The following CSMD1 variants were observed in gnomAD, a reference collection of about 807,000 sequenced individuals.
CSMD1 encodes CUB and Sushi multiple domains 1, also known as CUB and sushi domain-containing protein 1.
A neutral mutation model predicts 417.5 loss-of-function variants in CSMD1; 213 were observed. The ratio of observed to expected loss-of-function variants is 0.51; its 90% confidence interval spans 0.46 to 0.57. The LOEUF (loss-of-function observed/expected upper bound fraction) is 0.57, where lower values mean the gene tolerates loss of function less well. CSMD1 is among the 20% of genes least tolerant of loss of function. The pLI is 0.00. For missense variants in CSMD1, 6,923 were observed against 4,529.7 expected (o/e 1.53, Z -15.17); for synonymous variants, 2,862 against 1,736.8 (o/e 1.65, Z -16.11).
At chr8:3,727,925 G>C (rs1342593693) in intron 6 of CSMD1, among the ~76,000 whole-genome samples, 2 of 152,170 alleles carry the variant, frequency 1.3e-5, no homozygotes, top group East Asian at 3.9e-4. Flanking sequence ...AATTCAAAGA[G>C]CGGCAGGGAG....
chr8:4,617,986 G>C (rs2130807249), intron 2 of CSMD1, among the ~76,000 whole-genome samples: 1 of 152,200 alleles, frequency 6.6e-6, no homozygotes, highest in African/African-American at 2.4e-5. Context: ...ATTTGGAGCT[G>C]CCTATTTGGA....
chr8:4,258,081 C>G lies in CSMD1; in HGVS notation c.415+161872G>C, dbSNP rs1036079894. Among the ~76,000 whole-genome samples the G allele has an allele frequency of 4.0e-5, 6 of 151,812 alleles. No homozygotes were observed. In the East Asian group the frequency reaches 1.0e-3, roughly 25 times the overall value. On this transcript the variant is annotated intron_variant, in intron 3 of 69. Coordinates refer to ENST00000635120, the MANE Select transcript of CSMD1 (RefSeq NM_033225.6). ...ACCTCAGCCTCCCTAGTAACTGGGA[C>G]TACAGGCCCGTGCTACCATTCCCGG... is the stretch of plus-strand genomic sequence containing the variant.
At chr8:3,785,371 C>T (rs910586432) in intron 5 of CSMD1, among the ~76,000 whole-genome samples, 1 of 152,098 alleles carries the variant, frequency 6.6e-6, no homozygotes, top group African/African-American at 2.4e-5. Flanking sequence ...TTTCTTTTTT[C>T]ATTCCACACC....
At chr8:4,323,482 GGC>G (rs1799383146) in intron 3 of CSMD1, among the ~76,000 whole-genome samples, 1 of 84,586 alleles carries the variant, frequency 1.2e-5, no homozygotes, top group African/African-American at 7.4e-5. Context: ...ATGGGACTAG[GGC>G]TTTCTCTGAA....
At chr8:3,520,805 A>G (rs2117448014) in intron 10 of CSMD1, among the ~76,000 whole-genome samples, 1 of 152,148 alleles carries the variant, frequency 6.6e-6, no homozygotes, top group South Asian at 2.1e-4. Context: ...TGTAGAGGAA[A>G]TCTCCACTAG....
At chr8:3,081,315 T>G (rs1462701238) in intron 49 of CSMD1, among the ~76,000 whole-genome samples, 1 of 152,240 alleles carries the variant, frequency 6.6e-6, no homozygotes, top group African/African-American at 2.4e-5. Flanking sequence ...ATTGTATTTA[T>G]TTTATGTAAG....
At chr8:3,254,734 G>C (rs1267845038) in intron 26 of CSMD1, among the ~76,000 whole-genome samples, 4 of 151,924 alleles carry the variant, frequency 2.6e-5, no homozygotes, top group Non-Finnish European at 5.9e-5. Context: ...GGTCCTTTAA[G>C]GACTTCTGTG....
At chr8:3,969,938 A>C (rs1812964498) in intron 5 of CSMD1, among the ~76,000 whole-genome samples, 1 of 152,206 alleles carries the variant, frequency 6.6e-6, no homozygotes, top group African/African-American at 2.4e-5. Context: ...ATTTTATTTA[A>C]ACAACCTCTC....
rs1563435221 is a variant in CSMD1, at chr8:4,312,423, G to GTATATACGTACGCATATATATATA, written c.415+107529_415+107530insTATATATATATGCGTACGTATATA. On this transcript the variant is annotated intron_variant, in intron 3 of 69. Transcript: ENST00000635120. The stretch of plus-strand genomic sequence containing the variant: ...CATATATATGCGTGTATATATATGC[G>GTATATACGTACGCATATATATATA]CGTATATATATATGCGTATATATAT... Among the ~76,000 whole-genome samples, 633 of 105,100 alleles carry GTATATACGTACGCATATATATATA rather than the reference G, an allele frequency of 6.0e-3. 70 individuals are homozygous for GTATATACGTACGCATATATATATA. The highest frequency in any genetic ancestry group is 0.046 in the African/African-American group (585 of 12,826). 68.9% of individuals were successfully genotyped at this position (105,100 alleles called of 152,430 possible). A position where few individuals can be genotyped will look rare whatever the true frequency, so the allele number is the denominator to read the frequency against.
intron 4 of CSMD1, among the ~76,000 whole-genome samples, chr8:4,026,630 C>T (rs1458145002): frequency 2.6e-5 from 4 of 152,180 alleles, no homozygotes; most frequent in African/African-American, 7.2e-5. Flanking sequence ...TATCTTATCT[C>T]CTGGGAAGCT....
intron 21 of CSMD1, among the ~76,000 whole-genome samples, chr8:3,351,092 G>A (rs972267978): frequency 6.6e-6 from 1 of 152,118 alleles, no homozygotes; most frequent in Non-Finnish European, 1.5e-5. Context: ...ATTAGTATCT[G>A]AATAAGTATC....
At chr8:3,262,194 T>TAG (rs1325298662) in intron 26 of CSMD1, among the ~76,000 whole-genome samples, 1 of 74,548 alleles carries the variant, frequency 1.3e-5, no homozygotes, top group African/African-American at 4.9e-5. Context: ...AATATATATA[T>TAG]ATATATATAT....
At chr8:4,658,614 G>T (rs1277194190) in intron 1 of CSMD1, among the ~76,000 whole-genome samples, 1 of 152,064 alleles carries the variant, frequency 6.6e-6, no homozygotes, top group African/African-American at 2.4e-5. Flanking sequence ...TGCCAGTGCG[G>T]AGTATCCACA....
At chr8:4,361,128 T>C (rs973801037) in intron 3 of CSMD1, among the ~76,000 whole-genome samples, 1 of 152,178 alleles carries the variant, frequency 6.6e-6, no homozygotes, top group Admixed American at 6.5e-5. Flanking sequence ...AGTCACTGAA[T>C]CTCTGAGCTG....
At chr8:4,921,681 G>C (rs4442168) in intron 1 of CSMD1, among the ~76,000 whole-genome samples, 8 of 152,202 alleles carry the variant, frequency 5.3e-5, no homozygotes, top group Non-Finnish European at 5.9e-5. Flanking sequence ...TGTGTGTGTC[G>C]GTCTCTGTGT....
chr8:3,932,960 A>T lies in CSMD1; in HGVS notation c.818+64943T>A, dbSNP rs180839868. Among the ~76,000 whole-genome samples, 5 of 150,308 alleles carry T rather than the reference A, an allele frequency of 3.3e-5. 1 individual carries two copies. Among genetic ancestry groups the T allele is most frequent in the East Asian group, 3.9e-4 (2 of 5,122 alleles). On this transcript the variant is annotated intron_variant, in intron 5 of 69. Transcript: ENST00000635120. ...TTTTAAAAGTGTATGTGAATTTTTA[A>T]ATTTTTTGCTTTCTAATATCCTGAA...
chr8:4,977,161 A>C (rs1810608223), intron 1 of CSMD1, among the ~76,000 whole-genome samples: 1 of 152,144 alleles, frequency 6.6e-6, no homozygotes, highest in Non-Finnish European at 1.5e-5. Context: ...ATTTGTTTTG[A>C]ACTTTTCCTT....
intron 1 of CSMD1, among the ~76,000 whole-genome samples, chr8:4,779,493 G>T (rs10081535): frequency 1.1e-4 from 16 of 151,838 alleles, no homozygotes; most frequent in African/African-American, 3.9e-4. Flanking sequence ...ATTTCCCTAT[G>T]CAGAGTCCTA....
intron 5 of CSMD1, among the ~76,000 whole-genome samples, chr8:3,783,605 G>T (rs1432507833): frequency 6.6e-6 from 1 of 152,332 alleles, no homozygotes; most frequent in East Asian, 1.9e-4. Flanking sequence ...GCAAAGGCCT[G>T]AGAGGAAGCC....
Sources: allele counts gnomAD v4.1 joint callset (sites outside exome capture counted in the v4.1 genomes callset), GRCh38; gene constraint gnomAD v4.1.1; transcripts MANE v1.5; gene names NCBI Gene and HGNC (gene_info 2026-07-23, HGNC 2026-07-21).